The following SPON1 variants were observed in gnomAD, a reference collection of about 807,000 sequenced individuals.
SPON1 encodes the protein spondin 1, also known as spondin-1.
SPON1 carries 52 observed loss-of-function variants against 111.7 expected under a neutral mutation model. The observed-to-expected ratio is 0.47, with a 90% CI of 0.37 to 0.59. The LOEUF (loss-of-function observed/expected upper bound fraction) is 0.59. SPON1 is among the 20% of genes least tolerant of loss of function. The probability of loss-of-function intolerance (pLI) is 0.00; values close to 1 mark genes in which losing one functional copy is unlikely to be tolerated. For synonymous variants in SPON1, 410 were observed against 395.8 expected (o/e 1.04, Z -0.43); for missense variants, 957 against 1,068.5 (o/e 0.90, Z 1.46).
At position 14,041,668 on chromosome 11, in the gene SPON1, G is replaced by C. The variant is rs1258596886; in HGVS notation, c.479+14G>C. On this transcript the variant is annotated intron_variant, in intron 3 of 15. Coordinates refer to ENST00000576479, the MANE Select transcript of SPON1 (RefSeq NM_006108.4). Reference sequence around the variant, plus strand: ...CGTGATTCTGAAGTAAGTAAACATGGAATCCTTCCCTGCAGTTTATCAAAG... The same window carrying C: ...CGTGATTCTGAAGTAAGTAAACATGCAATCCTTCCCTGCAGTTTATCAAAG... The C allele has an allele frequency of 6.2e-7, 1 of 1,613,150 alleles. No individual in the cohort carries two copies. The highest frequency in any genetic ancestry group is 1.7e-5 in the Admixed American group (1 of 59,862).
At chr11:13,964,226 T>C (rs1372594462) in intron 1 of SPON1, among the ~76,000 whole-genome samples, 2 of 152,216 alleles carry the variant, frequency 1.3e-5, no homozygotes, top group Non-Finnish European at 2.9e-5. Context: ...CTGTCTGGCC[T>C]CACCTTAGCT....
In SPON1 at chr11:14,228,195, G is replaced by A. The variant is rs186362065; in HGVS notation, c.826-15137G>A. The stretch of plus-strand genomic sequence containing the variant: ...TCCGAGTTTGGTATGCATACACCAG[G>A]GCCCTTTGGGCTAACTCAGTTCTCC... On this transcript the variant is annotated intron_variant, in intron 6 of 15. Coordinates refer to ENST00000576479, the MANE Select transcript of SPON1 (RefSeq NM_006108.4). This position sits in a 1 kb window ranked among gnomAD's most constrained non-coding sequence, Gnocchi z 4.2. 2.6e-5 allele frequency among the ~76,000 whole-genome samples: 4 copies of A among 152,208 alleles called. No individual in the cohort carries two copies. The highest frequency in any genetic ancestry group is 6.5e-5 in the Admixed American group (1 of 15,288).
Position 14,036,636 on chromosome 11 carries a change from G to A in SPON1, c.346-4885G>A, listed in dbSNP as rs145571372. Among the ~76,000 whole-genome samples the A allele has an allele frequency of 4.5e-4, 69 of 152,268 alleles. 1 individual carries two copies. The East Asian group carries it at 6.6e-3, about 14-fold the overall frequency. ...AGCAGCCAACACTAGAAATATAAAC[G>A]AATGAATCATCTATACAGAGGTAGT... On this transcript the variant is annotated intron_variant, in intron 2 of 15. Transcript: ENST00000576479.
chr11:14,143,722 GAGA>G lies in SPON1; in HGVS notation c.825+8160_825+8162del, dbSNP rs1253094875. Among the ~76,000 whole-genome samples, 12 of 152,310 alleles carry G rather than the reference GAGA, an allele frequency of 7.9e-5. No individual in the cohort carries two copies. The East Asian group carries it at 1.2e-3, about 15-fold the overall frequency. ...CTGTAGAAGAGAGGGGCACTGAAGAGAGAAGAAGTTCAGGAGCACTAAAGAAAG... is the reference window on the plus strand; with the variant it reads ...CTGTAGAAGAGAGGGGCACTGAAGAGAGAAGTTCAGGAGCACTAAAGAAAG... On this transcript the variant is annotated intron_variant, in intron 6 of 15. Coordinates refer to ENST00000576479, the MANE Select transcript of SPON1 (RefSeq NM_006108.4).
chr11:14,143,345 T>G (rs782003072), intron 6 of SPON1, among the ~76,000 whole-genome samples: 2 of 152,148 alleles, frequency 1.3e-5, no homozygotes, highest in Non-Finnish European at 2.9e-5. Flanking sequence ...GCAGATCACT[T>G]GAGCTCAGGA....
chr11:14,078,603 T>C (rs1378710528), intron 4 of SPON1, among the ~76,000 whole-genome samples: 1 of 152,188 alleles, frequency 6.6e-6, no homozygotes, highest in African/African-American at 2.4e-5. Context: ...GTATGAGTCC[T>C]GGACCCAAAA....
chr11:14,262,877 T>C lies in SPON1; in HGVS notation c.2162T>C (p.Leu721Pro), dbSNP rs1564944763. ...AAAAAGTGCCGCATCCGAAAATGCC[T>C]TCGAAATCCATCCATCCAAAAGCTA... ...QRKKCRIRKCLRNPSIQKLRW... is the reference protein window; with the variant it reads ...QRKKCRIRKCPRNPSIQKLRW... Residue 721 changes from leucine (L) to proline (P), a missense_variant, in exon 15 of 16, where the codon CTT becomes CCT. Physicochemically the swap from Leu to Pro is moderately conservative, Grantham distance 98. Around this residue, in one of 5 missense-constraint regions of SPON1, gnomAD observed 549 missense variants for 606.2 expected, o/e 0.91. Coordinates refer to ENST00000576479, the MANE Select transcript of SPON1 (RefSeq NM_006108.4). 1 of 1,613,836 alleles carries C rather than the reference T, an allele frequency of 6.2e-7. No homozygotes were observed. The highest frequency in any genetic ancestry group is 8.5e-7 in the Non-Finnish European group (1 of 1,179,872).
At chr11:14,037,447 G>A (rs563359711) in intron 2 of SPON1, among the ~76,000 whole-genome samples, 9 of 151,110 alleles carry the variant, frequency 6.0e-5, no homozygotes, top group African/African-American at 2.2e-4. Context: ...ACTGATCTTT[G>A]ACAAAGGAGC....
chr11:14,154,056 G>C (rs953717050), intron 6 of SPON1, among the ~76,000 whole-genome samples: 2 of 152,172 alleles, frequency 1.3e-5, no homozygotes, highest in Non-Finnish European at 2.9e-5. Flanking sequence ...GCTATGCAGG[G>C]TATAGCCCCT....
At position 14,135,341 on chromosome 11, in the gene SPON1, C is replaced by T. The variant is rs931505170; in HGVS notation, c.677-79C>T. On this transcript the variant is annotated intron_variant, in intron 5 of 15. Coordinates refer to ENST00000576479, the MANE Select transcript of SPON1 (RefSeq NM_006108.4). The surrounding 1 kb of genome is among the most constrained non-coding windows in gnomAD (Gnocchi z 4.4). ...TGCTCTTTGAATCGATGTCCAATTACGCATCCTCCCCATCATTTAAGGGAC... is the reference window on the plus strand; with the variant it reads ...TGCTCTTTGAATCGATGTCCAATTATGCATCCTCCCCATCATTTAAGGGAC... The T allele has an allele frequency of 4.1e-5, 61 of 1,477,764 alleles. No homozygotes were observed. Among genetic ancestry groups the T allele is most frequent in the Middle Eastern group, 1.9e-4 (1 of 5,138 alleles). 91.5% of individuals were successfully genotyped at this position (1,477,764 alleles called of 1,614,324 possible). A position where few individuals can be genotyped will look rare whatever the true frequency, so the allele number is the denominator to read the frequency against.
intron 2 of SPON1, among the ~76,000 whole-genome samples, chr11:14,012,253 G>A (rs961055294): frequency 6.6e-6 from 1 of 152,130 alleles, no homozygotes; most frequent in Non-Finnish European, 1.5e-5. Flanking sequence ...AGTGATTGCA[G>A]CTCCAGACAA....
chr11:14,107,048 C>G (rs1554925000), intron 5 of SPON1, among the ~76,000 whole-genome samples: 1 of 152,136 alleles, frequency 6.6e-6, no homozygotes, highest in African/African-American at 2.4e-5. Context: ...AATTTAAGAG[C>G]AAAATGTACC....
At chr11:14,080,583 G>A (rs1418078262) in intron 5 of SPON1, among the ~76,000 whole-genome samples, 2 of 152,068 alleles carry the variant, frequency 1.3e-5, no homozygotes, top group Non-Finnish European at 2.9e-5. Flanking sequence ...AAGTCATGCT[G>A]CTTATATTCA....
At chr11:14,020,007 G>A (rs917880319) in intron 2 of SPON1, among the ~76,000 whole-genome samples, 1 of 152,198 alleles carries the variant, frequency 6.6e-6, no homozygotes, top group Non-Finnish European at 1.5e-5. Flanking sequence ...AAAGGAACAG[G>A]ATAGCCATAA....
At chr11:14,114,404 A>G (rs1415281515) in intron 5 of SPON1, among the ~76,000 whole-genome samples, 2 of 152,128 alleles carry the variant, frequency 1.3e-5, no homozygotes, top group African/African-American at 4.8e-5. Flanking sequence ...CAGATCCAGG[A>G]TTTAATTACA....
intron 6 of SPON1, among the ~76,000 whole-genome samples, chr11:14,152,795 G>C (rs140374093): frequency 6.6e-6 from 1 of 152,186 alleles, no homozygotes; most frequent in East Asian, 1.9e-4. Context: ...TAAAGGATGT[G>C]TTTATTGGCT....
At chr11:14,211,191 TCTGTGTTTG>T (rs1848571790) in intron 6 of SPON1, among the ~76,000 whole-genome samples, 1 of 152,186 alleles carries the variant, frequency 6.6e-6, no homozygotes, top group Admixed American at 6.5e-5. Context: ...AGTCAAATTG[TCTGTGTTTG>T]CAGATGACAT....
At chr11:14,223,923 C>T (rs1239174937) in intron 6 of SPON1, among the ~76,000 whole-genome samples, 1 of 152,186 alleles carries the variant, frequency 6.6e-6, no homozygotes, top group Non-Finnish European at 1.5e-5. Context: ...TGATGACGGG[C>T]TCTTTTATCT....
chr11:14,115,886 C>T (rs1420702712), intron 5 of SPON1, among the ~76,000 whole-genome samples: 1 of 152,104 alleles, frequency 6.6e-6, no homozygotes, highest in African/African-American at 2.4e-5. Context: ...AATTAATCTA[C>T]ATCCTTGCCC....
Sources: allele counts gnomAD v4.1 joint callset (sites outside exome capture counted in the v4.1 genomes callset), GRCh38; gene constraint gnomAD v4.1.1; regional missense constraint gnomAD v4.1.1; non-coding constraint Gnocchi (gnomAD v3.1); transcripts MANE v1.5; gene names NCBI Gene and HGNC (gene_info 2026-07-23, HGNC 2026-07-21).